The following PIK3C2B variants were observed in gnomAD, a reference collection of about 807,000 sequenced individuals.
The protein encoded by PIK3C2B is phosphatidylinositol 4-phosphate 3-kinase C2 domain-containing subunit beta.
In PIK3C2B, 83 loss-of-function variants were observed where a neutral mutation model predicts 184.3. The ratio of observed to expected loss-of-function variants is 0.45; its 90% CI spans 0.38 to 0.54. The LOEUF (loss-of-function observed/expected upper bound fraction) is 0.54. Ranked by LOEUF, PIK3C2B falls within the 20% of genes least tolerant of loss-of-function variation. PIK3C2B has a pLI of 0.00. For synonymous variants in PIK3C2B, 779 were observed against 837.6 expected (o/e 0.93, Z 1.21); for missense variants, 1,736 against 2,113.5 (o/e 0.82, Z 3.50).
chr1:204,480,678 G>T (rs1026405009), intron 1 of PIK3C2B, among the ~76,000 whole-genome samples: 3 of 151,948 alleles, frequency 2.0e-5, no homozygotes, highest in Non-Finnish European at 4.4e-5. Context: ...GCAGGGCCAG[G>T]CTGTGTGGGT....
chr1:204,433,885 A>G lies in PIK3C2B; in HGVS notation c.3751T>C (p.Ser1251Pro). ...TCAACAAAATCATGGAAGCGGCTGG[A>G]AGGCTTGTCACCCCCGTTGATGACA... ...AYVINGGDKP[S>P]SRFHDFVDLC... The change falls in exon 25 of 33, where the codon TCC (serine) becomes CCC (proline). Residue 1251 changes from serine to proline, a missense_variant. This residue lies in a region of PIK3C2B where 119 missense variants were observed against 179.3 expected (regional missense o/e 0.66). Transcript: ENST00000684373. The surrounding 1 kb of genome is among the most constrained non-coding windows in gnomAD (Gnocchi z 5.0). 1 of 1,614,098 alleles carries G rather than the reference A, an allele frequency of 6.2e-7. No homozygotes were observed. Among genetic ancestry groups the G allele is most frequent in the Non-Finnish European group, 8.5e-7 (1 of 1,179,986 alleles).
At position 204,431,759 on chromosome 1, in the gene PIK3C2B, T is replaced by C. The variant is rs767405481; in HGVS notation, c.4190A>G (p.His1397Arg). 20 of 1,614,200 alleles carry C rather than the reference T, an allele frequency of 1.2e-5. No individual in the cohort carries two copies. The highest frequency in any genetic ancestry group is 1.6e-5 in the Non-Finnish European group (19 of 1,180,026). Residue 1397 changes from histidine (H) to arginine (R), a missense_variant, in exon 28 of 33, where the codon CAC (histidine) becomes CGC (arginine). Around this residue, in one of 8 missense-constraint regions of PIK3C2B, gnomAD observed 200 missense variants for 199.1 expected, o/e 1.00. Coordinates refer to ENST00000684373, the MANE Select transcript of PIK3C2B (RefSeq NM_001377334.1). Reference sequence around the variant, plus strand: ...GGTCCGCTGGATGTAGGTGGCCTCGTGAGTGTTCTCTCGCATCACCTTTAC... The same window carrying C: ...GGTCCGCTGGATGTAGGTGGCCTCGCGAGTGTTCTCTCGCATCACCTTTAC... ...YVVKVMRENT[H>R]EATYIQRTFE...
intron 12 of PIK3C2B, among the ~76,000 whole-genome samples, chr1:204,454,123 G>A (rs1316284170): frequency 6.6e-6 from 1 of 151,988 alleles, no homozygotes; most frequent in African/African-American, 2.4e-5. Context: ...AGCCTTTATA[G>A]ATACTTCTCA....
At chr1:204,452,604 G>A (rs367859831) in intron 12 of PIK3C2B, among the ~76,000 whole-genome samples, 1 of 147,118 alleles carries the variant, frequency 6.8e-6, no homozygotes, top group African/African-American at 2.5e-5. Context: ...AGTTTCTCCT[G>A]TCCTGGCAGT....
At chr1:204,479,921 T>C (rs1157915886) in intron 1 of PIK3C2B, among the ~76,000 whole-genome samples, 1 of 152,138 alleles carries the variant, frequency 6.6e-6, no homozygotes, top group East Asian at 1.9e-4. Flanking sequence ...GGAAACAACA[T>C]AACAACAAGG....
chr1:204,436,367 G>A (rs1217871537), intron 23 of PIK3C2B, among the ~76,000 whole-genome samples: 1 of 151,852 alleles, frequency 6.6e-6, no homozygotes, highest in African/African-American at 2.4e-5. Flanking sequence ...CCATCTCCAC[G>A]AAAAATAGAA....
Position 204,443,416 on chromosome 1 carries a change from C to A in PIK3C2B, c.3048+1G>T. ...GGTAGGGGCAGCCTCACCCCACTAA[C>A]CTGCCTTGCAGATGGGGCTGCCTCC... On this transcript the variant is annotated splice_donor_variant, in intron 19 of 32. Transcript: ENST00000684373. LOFTEE classifies it high-confidence loss of function. 6.2e-7 allele frequency: 1 copy of A among 1,613,660 alleles called. No homozygotes were observed.
chr1:204,432,239 G>A lies in PIK3C2B; in HGVS notation c.4116C>T (p.Leu1372=), dbSNP rs1572285286. The A allele has an allele frequency of 3.1e-6, 5 of 1,614,132 alleles. No homozygotes were observed. Among genetic ancestry groups the A allele is most frequent in the Non-Finnish European group, 4.2e-6 (5 of 1,180,012 alleles). ...KSSGRISDVF[L]CRHEKIFHPN... is the part of the protein sequence containing the mutation. The stretch of plus-strand genomic sequence containing the variant: ...GGTGGAAGATCTTCTCATGGCGGCA[G>A]AGGAAAACATCACTGATTCGGCCAG... Residue 1372 remains leucine (L), a synonymous_variant, in exon 27 of 33, where the codon CTC becomes CTT. Transcript: ENST00000684373.
At chr1:204,427,617 GA>G (rs66929882) in intron 31 of PIK3C2B, 30 bp downstream of exon 31, 138,675 of 1,477,920 alleles carry the variant, frequency 0.094, 8,034 homozygotes, top group African/African-American at 0.26. Context: ...CATTAAAAAA[GA>G]AAAAAAATCA....
intron 28 of PIK3C2B, among the ~76,000 whole-genome samples, chr1:204,430,784 G>A (rs952488709): frequency 3.9e-5 from 6 of 151,990 alleles, no homozygotes; most frequent in African/African-American, 1.4e-4. Context: ...TCAGCCTCCT[G>A]AGTAGCTGGG....
At chr1:204,459,201 GA>G (rs1655116642) in intron 8 of PIK3C2B, among the ~76,000 whole-genome samples, 1 of 152,186 alleles carries the variant, frequency 6.6e-6, no homozygotes, top group African/African-American at 2.4e-5. Context: ...ATTTTTTGTA[GA>G]GATGGGGTCT....
chr1:204,443,304 G>T, intron 19 of PIK3C2B, 113 bp downstream of exon 19: 2 of 1,014,474 alleles, frequency 2.0e-6, no homozygotes, highest in South Asian at 1.6e-5. Flanking sequence ...GCTGCTCCCC[G>T]CTCCAAAATC....
intron 1 of PIK3C2B, among the ~76,000 whole-genome samples, chr1:204,493,955 C>G (rs1001216707): frequency 6.6e-6 from 1 of 152,270 alleles, no homozygotes; most frequent in Non-Finnish European, 1.5e-5. Context: ...ACAGAAGGCA[C>G]TAACCCCATC....
intron 21 of PIK3C2B, 46 bp downstream of exon 21, chr1:204,441,425 T>C (rs1373805366): frequency 1.5e-6 from 2 of 1,330,482 alleles, no homozygotes; most frequent in Non-Finnish European, 2.2e-6. Flanking sequence ...GCTGCCTCCT[T>C]CTCTCTCCCA....
At chr1:204,432,699 C>A (rs1297087441) in intron 26 of PIK3C2B, among the ~76,000 whole-genome samples, 1 of 152,124 alleles carries the variant, frequency 6.6e-6, no homozygotes, top group Non-Finnish European at 1.5e-5. Flanking sequence ...GTCTAAATAT[C>A]AAAAAATTTC....
chr1:204,433,750 G>C lies in PIK3C2B; in HGVS notation c.3843+43C>G. 2 of 1,573,414 alleles carry C rather than the reference G, an allele frequency of 1.3e-6. No individual in the cohort carries two copies. Among genetic ancestry groups the C allele is most frequent in the Non-Finnish European group, 1.7e-6 (2 of 1,144,038 alleles). ...CAGGGAAGTCTTAAAGATGATGCCAGATAATAAGAAGAAGGTATTCGGAAA... is the reference window on the plus strand; with the variant it reads ...CAGGGAAGTCTTAAAGATGATGCCACATAATAAGAAGAAGGTATTCGGAAA... On this transcript the variant is annotated intron_variant, in intron 25 of 32. Coordinates refer to ENST00000684373, the MANE Select transcript of PIK3C2B (RefSeq NM_001377334.1). This position sits in a 1 kb window ranked among gnomAD's most constrained non-coding sequence, Gnocchi z 5.0.
Position 204,438,989 on chromosome 1 carries a change from C to T in PIK3C2B, c.3462G>A (p.Arg1154=), listed in dbSNP as rs1159165696. The change falls in exon 23 of 33, where the codon CGG becomes CGA. Residue 1154 remains arginine, a synonymous_variant. Transcript: ENST00000684373. ...GTTTCTGCAGCCAGTCTGCCAGGGG[C>T]CGGTCCTTGAACGAGCCGGTCACCC... ...EHGVTGSFKD[R]PLADWLQKHN... 1 of 1,614,024 alleles carries T rather than the reference C, an allele frequency of 6.2e-7. No individual in the cohort carries two copies. The highest frequency in any genetic ancestry group is 8.5e-7 in the Non-Finnish European group (1 of 1,180,038).
At chr1:204,462,879 C>T (rs1655446252) in intron 5 of PIK3C2B, among the ~76,000 whole-genome samples, 1 of 152,162 alleles carries the variant, frequency 6.6e-6, no homozygotes, top group Non-Finnish European at 1.5e-5. Flanking sequence ...CATGGTGAAA[C>T]CCAGTCTCTA....
At position 204,433,474 on chromosome 1, in the gene PIK3C2B, T is replaced by C. The variant is rs773621456; in HGVS notation, c.3844-49A>G. 8.6e-7 allele frequency: 1 copy of C among 1,162,002 alleles called. No individual in the cohort carries two copies. Among genetic ancestry groups the C allele is most frequent in the Non-Finnish European group, 1.3e-6 (1 of 771,842 alleles). 72.0% of individuals were successfully genotyped at this position (1,162,002 alleles called of 1,614,324 possible). On this transcript the variant is annotated intron_variant, in intron 25 of 32. Coordinates refer to ENST00000684373, the MANE Select transcript of PIK3C2B (RefSeq NM_001377334.1). This position sits in a 1 kb window ranked among gnomAD's most constrained non-coding sequence, Gnocchi z 5.0. ...AGAGGGTGCCTGTAACAACAGAGAA[T>C]TCTTGCTGCTTCTCTACCCTTAGGC... is the stretch of plus-strand genomic sequence containing the variant.
Sources: gnomAD v4.1 joint callset for allele counts (sites outside exome capture counted in the v4.1 genomes callset) on GRCh38, gnomAD v4.1.1 for gene constraint, gnomAD v4.1.1 regional missense constraint, Gnocchi (gnomAD v3.1) non-coding constraint, MANE v1.5 for transcripts, NCBI Gene and HGNC (gene_info 2026-07-23, HGNC 2026-07-21) for gene names.